The following SCHIP1 variants were observed in gnomAD, a reference collection of about 807,000 sequenced individuals.
SCHIP1 encodes the protein schwannomin interacting protein 1.
In SCHIP1, 8 loss-of-function variants were observed where a neutral mutation model predicts 29.7. That is an observed-to-expected ratio of 0.27 (90% CI 0.16 to 0.49). The LOEUF (loss-of-function observed/expected upper bound fraction) is 0.49, where lower values mean the gene tolerates loss of function less well. Among genes scored for constraint, SCHIP1 ranks in the 20% least tolerant of loss-of-function variants. SCHIP1 has a pLI of 0.99. For missense variants in SCHIP1, 193 were observed against 294.6 expected, an observed-to-expected ratio of 0.66 and a Z score of 2.52; for synonymous variants, 76 against 94.9, an observed-to-expected ratio of 0.80 and a Z score of 1.16.
At chr3:159,405,036 G>A in the SCHIP1 span, among the ~76,000 whole-genome samples, 10 of 152,122 alleles carry the variant, frequency 6.6e-5, no homozygotes, top group African/African-American at 2.2e-4. Flanking sequence ...CAAGACCAAG[G>A]TGGTACCTCT....
the SCHIP1 span, among the ~76,000 whole-genome samples, chr3:159,568,355 C>T: frequency 6.6e-6 from 1 of 151,962 alleles, no homozygotes; most frequent in Non-Finnish European, 1.5e-5. Context: ...ATTTTTTGCT[C>T]ATTTCTAATT....
chr3:159,347,110 A>G, the SCHIP1 span, among the ~76,000 whole-genome samples: 1 of 152,170 alleles, frequency 6.6e-6, no homozygotes, highest in African/African-American at 2.4e-5. Context: ...TATATGCTTC[A>G]TATGTTCCAC....
chr3:159,410,468 G>C, the SCHIP1 span, among the ~76,000 whole-genome samples: 1 of 152,090 alleles, frequency 6.6e-6, no homozygotes, highest in Non-Finnish European at 1.5e-5. Flanking sequence ...ATAGGCAAAA[G>C]ATCTGAATAG....
the SCHIP1 span, among the ~76,000 whole-genome samples, chr3:159,284,469 T>G: frequency 3.5e-4 from 53 of 152,226 alleles, no homozygotes; most frequent in African/African-American, 1.2e-3. Context: ...TAATATTTAG[T>G]TTGCCTGTTA....
chr3:159,542,497 C>T, the SCHIP1 span, among the ~76,000 whole-genome samples: 1 of 152,048 alleles, frequency 6.6e-6, no homozygotes, highest in South Asian at 2.1e-4. Context: ...GGCCCTTTCA[C>T]TGAGCATAAT....
At chr3:159,837,110 C>CT (rs373782933), upstream of SCHIP1, among the ~76,000 whole-genome samples, 7,185 of 145,250 alleles carry the variant, frequency 0.049, 209 homozygotes, top group Non-Finnish European at 0.071. Context: ...CATGTTTAGA[C>CT]TTTTTTTTTT....
At chr3:159,312,433 A>C in the SCHIP1 span, among the ~76,000 whole-genome samples, 1 of 152,182 alleles carries the variant, frequency 6.6e-6, no homozygotes, top group South Asian at 2.1e-4. Context: ...GTCAGAAGAG[A>C]AAGTGTGTGG....
the SCHIP1 span, among the ~76,000 whole-genome samples, chr3:159,459,436 C>T: frequency 6.6e-6 from 1 of 152,140 alleles, no homozygotes; most frequent in Non-Finnish European, 1.5e-5. Flanking sequence ...TGAGCACCTA[C>T]TAGGTGCCCA....
the SCHIP1 span, among the ~76,000 whole-genome samples, chr3:159,668,765 A>G: frequency 6.6e-6 from 1 of 151,192 alleles, no homozygotes; most frequent in African/African-American, 2.4e-5. Flanking sequence ...TTTCCCTTCG[A>G]CTCTTTCCTC....
chr3:159,875,041 A>G (rs1715662420), intron 2 of SCHIP1, among the ~76,000 whole-genome samples: 1 of 146,136 alleles, frequency 6.8e-6, no homozygotes, highest in Admixed American at 6.8e-5. Flanking sequence ...AACAAAAACT[A>G]TCATTTTTTA....
chr3:159,767,326 A>G, the SCHIP1 span, among the ~76,000 whole-genome samples: 1 of 152,230 alleles, frequency 6.6e-6, no homozygotes, highest in South Asian at 2.1e-4. Context: ...TTAGTTTTAT[A>G]TGTATGGTGG....
At chr3:159,564,057 A>G in the SCHIP1 span, among the ~76,000 whole-genome samples, 1 of 152,134 alleles carries the variant, frequency 6.6e-6, no homozygotes, top group South Asian at 2.1e-4. Context: ...CAGCCAAATC[A>G]TGCACTTTCC....
chr3:159,716,262 G>A, the SCHIP1 span, among the ~76,000 whole-genome samples: 18,607 of 152,192 alleles, frequency 0.12, 1,286 homozygotes, highest in Admixed American at 0.2. Flanking sequence ...ACTAAACATG[G>A]AAAGGAACAA....
At chr3:159,673,040 C>A in the SCHIP1 span, among the ~76,000 whole-genome samples, 5 of 152,110 alleles carry the variant, frequency 3.3e-5, no homozygotes, top group Non-Finnish European at 7.3e-5. Flanking sequence ...GTAACCGAAA[C>A]CTGTTTACTT....
At chr3:159,602,537 C>T in the SCHIP1 span, among the ~76,000 whole-genome samples, 42 of 152,024 alleles carry the variant, frequency 2.8e-4, no homozygotes, top group African/African-American at 8.4e-4. Context: ...AGTAAAACCC[C>T]GTCTCTACTA....
chr3:159,308,868 G>C, the SCHIP1 span, among the ~76,000 whole-genome samples: 3 of 152,150 alleles, frequency 2.0e-5, no homozygotes, highest in African/African-American at 4.8e-5. Context: ...GCAGCAACAT[G>C]AATGGAGCTG....
At chr3:159,547,237 A>G in the SCHIP1 span, among the ~76,000 whole-genome samples, 1 of 152,008 alleles carries the variant, frequency 6.6e-6, no homozygotes, top group Non-Finnish European at 1.5e-5. Context: ...GTGTCTGTTC[A>G]TATCCTTTGT....
the SCHIP1 span, among the ~76,000 whole-genome samples, chr3:159,681,290 GAA>G: frequency 1.4e-3 from 180 of 129,940 alleles, no homozygotes; most frequent in African/African-American, 4.9e-3. Flanking sequence ...GAGAAATGGG[GAA>G]AAAAAAAAAA....
chr3:159,893,521 A>T (rs1269229066), intron 6 of SCHIP1: 2 of 152,152 alleles, frequency 1.3e-5, no homozygotes, highest in East Asian at 1.9e-4. Flanking sequence ...TTTTTAAAAA[A>T]ATATATAAAT....
Sources: gnomAD v4.1 joint callset for allele counts (sites outside exome capture counted in the v4.1 genomes callset) on GRCh38, gnomAD v4.1.1 for gene constraint, MANE v1.5 for transcripts, NCBI Gene and HGNC (gene_info 2026-07-23, HGNC 2026-07-21) for gene names.